The following DNAH5 variants were observed in gnomAD, a reference collection of about 807,000 sequenced individuals.
DNAH5 encodes the protein axonemal beta dynein heavy chain 5.
Under a neutral mutation model 518.2 loss-of-function variants are expected in DNAH5, and 372 were observed. That is an observed-to-expected ratio of 0.72 (90% CI 0.66 to 0.78). The LOEUF (loss-of-function observed/expected upper bound fraction) is 0.78, where lower values mean the gene tolerates loss of function less well. Among genes scored for constraint, DNAH5 ranks in the 30% least tolerant of loss-of-function variants. The pLI is 0.00. For synonymous variants in DNAH5, 2,039 were observed against 2,025.9 expected (o/e 1.01, Z -0.17); for missense variants, 5,523 against 5,687.0 (o/e 0.97, Z 0.93).
chr5:13,805,766 T>C (rs1047639798), intron 47 of DNAH5, among the ~76,000 whole-genome samples: 1 of 152,308 alleles, frequency 6.6e-6, no homozygotes, highest in Non-Finnish European at 1.5e-5. Context: ...AAGCATAGCA[T>C]TTCTCCGAGT....
At position 13,905,353 on chromosome 5, in the gene DNAH5, G is replaced by A. The variant is rs539526167; in HGVS notation, c.1645-3215C>T. Among the ~76,000 whole-genome samples the A allele has an allele frequency of 1.1e-3, 161 of 152,270 alleles. 1 individual carries two copies. Among genetic ancestry groups the A allele is most frequent in the Non-Finnish European group, 2.1e-3 (146 of 68,036 alleles). On this transcript the variant is annotated intron_variant, in intron 12 of 78. Transcript: ENST00000265104. Reference sequence around the variant, plus strand: ...AGGAGTGGGTTGTTATAAAAAACGAGCTCAGCCCTCTCTTGCTTTCTCAAG... The same window carrying A: ...AGGAGTGGGTTGTTATAAAAAACGAACTCAGCCCTCTCTTGCTTTCTCAAG...
intron 59 of DNAH5, among the ~76,000 whole-genome samples, chr5:13,764,450 C>A (rs774557914): frequency 1.9e-4 from 29 of 152,200 alleles, no homozygotes; most frequent in Non-Finnish European, 3.8e-4. Flanking sequence ...AGGCACTTAA[C>A]AAAAGAATTC....
Position 13,889,843 on chromosome 5 carries a change from T to C in DNAH5, c.2577+1133A>G, listed in dbSNP as rs576949694. Among the ~76,000 whole-genome samples the C allele has an allele frequency of 2.6e-5, 4 of 152,238 alleles. No homozygotes were observed. In the East Asian group the frequency reaches 7.8e-4, roughly 30 times the overall value. On this transcript the variant is annotated intron_variant, in intron 17 of 78. Transcript: ENST00000265104. ...CTTTGTTCCTTATGATCCGGCTGCATCTCTTAACTATGTCAGGGCAGTGCA... is the reference window on the plus strand; with the variant it reads ...CTTTGTTCCTTATGATCCGGCTGCACCTCTTAACTATGTCAGGGCAGTGCA...
rs748585824 is a variant in DNAH5, at chr5:13,731,238, G to A, written c.11762-1678C>T. Reference sequence around the variant, plus strand: ...GCCAATTTGAAGAAAATATTAGCTCGTAAAATGAAAACAGATTGTTTTAAC... The same window carrying A: ...GCCAATTTGAAGAAAATATTAGCTCATAAAATGAAAACAGATTGTTTTAAC... On this transcript the variant is annotated intron_variant, in intron 68 of 78. Transcript: ENST00000265104. Among the ~76,000 whole-genome samples the A allele has an allele frequency of 3.9e-4, 59 of 152,304 alleles. 1 individual carries two copies. Among genetic ancestry groups the A allele is most frequent in the East Asian group, 1.3e-3 (7 of 5,188 alleles).
intron 33 of DNAH5, 88 bp from the exon 34 acceptor site, chr5:13,841,218 T>C (rs995160913): frequency 4.7e-6 from 5 of 1,056,786 alleles, no homozygotes; most frequent in South Asian, 2.6e-5. Flanking sequence ...GCTGTGATTG[T>C]TACACAAGTG....
intron 67 of DNAH5, 81 bp downstream of exon 67, chr5:13,735,737 G>A (rs1277358088): frequency 9.3e-7 from 1 of 1,071,740 alleles, no homozygotes; most frequent in African/African-American, 1.6e-5. Flanking sequence ...ACTAACAAAG[G>A]AGAAGGAAGT....
At chr5:13,898,241 G>A in intron 15 of DNAH5, 1 of 242,546 alleles carries the variant, frequency 4.1e-6, no homozygotes, top group Non-Finnish European at 7.8e-6. Context: ...TACGGTTATT[G>A]TAAACCCTAC....
intron 62 of DNAH5, 64 bp downstream of exon 62, chr5:13,754,139 T>A (rs183846515): frequency 3.1e-6 from 5 of 1,595,608 alleles, no homozygotes. Flanking sequence ...TTGATTAAAG[T>A]ATAAGCTTTC....
chr5:13,980,555 C>G (rs985383323), intron 1 of DNAH5, among the ~76,000 whole-genome samples: 8 of 152,168 alleles, frequency 5.3e-5, no homozygotes, highest in African/African-American at 1.9e-4. Flanking sequence ...CTAACCCACC[C>G]TGAAACCCCA....
chr5:13,890,015 G>A (rs1772975691), intron 17 of DNAH5, among the ~76,000 whole-genome samples: 1 of 152,144 alleles, frequency 6.6e-6, no homozygotes, highest in Admixed American at 6.5e-5. Context: ...ATGCCTGAAG[G>A]GGCACTTCAT....
intron 11 of DNAH5, among the ~76,000 whole-genome samples, chr5:13,912,875 C>A (rs75843618): frequency 0.023 from 3,450 of 151,848 alleles, 83 homozygotes; most frequent in African/African-American, 0.062. Flanking sequence ...TAATTATTTT[C>A]TTGACAGATA....
intron 35 of DNAH5, among the ~76,000 whole-genome samples, chr5:13,835,201 C>T (rs1764205150): frequency 6.6e-6 from 1 of 151,778 alleles, no homozygotes; most frequent in Admixed American, 6.6e-5. Flanking sequence ...AGGAGAATCA[C>T]TTGAACCTGG....
chr5:13,994,424 A>C (rs1348853853), intron 1 of DNAH5, among the ~76,000 whole-genome samples: 1 of 152,228 alleles, frequency 6.6e-6, no homozygotes, highest in East Asian at 1.9e-4. Flanking sequence ...CATAGACCTT[A>C]AAAATTACTA....
intron 61 of DNAH5, 28 bp from the exon 62 acceptor site, chr5:13,754,366 C>G (rs746188020): frequency 6.2e-7 from 1 of 1,613,872 alleles, no homozygotes; most frequent in Non-Finnish European, 8.5e-7. Context: ...CACAAGAAAG[C>G]TTTTACTGAA....
At chr5:13,700,909 G>A (rs755506291) in intron 77 of DNAH5, 38 bp from the exon 78 acceptor site, 2 of 1,597,440 alleles carry the variant, frequency 1.3e-6, no homozygotes, top group Non-Finnish European at 1.7e-6. Context: ...AGCGGTTAGA[G>A]GTTTGTCTTA....
At chr5:13,732,419 T>A (rs1298199362) in intron 68 of DNAH5, among the ~76,000 whole-genome samples, 1 of 152,080 alleles carries the variant, frequency 6.6e-6, no homozygotes, top group Non-Finnish European at 1.5e-5. Flanking sequence ...CAGGCTGGAG[T>A]GCAGTGGCGC....
At chr5:13,810,429 T>C (rs1406280841) in intron 44 of DNAH5, 169 bp from the exon 45 acceptor site, 6 of 693,066 alleles carry the variant, frequency 8.7e-6, no homozygotes, top group East Asian at 2.7e-5. Flanking sequence ...TCTCTGAGAA[T>C]AGCAAGCTGC....
At position 13,882,677 on chromosome 5, in the gene DNAH5, A is replaced by C. The variant is rs138034827; in HGVS notation, c.3262+51T>G. On this transcript the variant is annotated intron_variant, in intron 21 of 78. Coordinates refer to ENST00000265104, the MANE Select transcript of DNAH5 (RefSeq NM_001369.3). ...GAGGGGTTAAAAAACATTTAAGCTC[A>C]ATGAATGTTGATTTACAATGCCTCT... 2,278 of 1,392,218 alleles carry C rather than the reference A, an allele frequency of 1.6e-3. 37 individuals carry two copies. The East Asian group carries it at 0.033, about 20-fold the overall frequency. The allele number at this position is 1,392,218 out of a possible 1,614,324, so 86.2% of individuals were successfully genotyped here. A position where few individuals can be genotyped will look rare whatever the true frequency, so the allele number is the denominator to read the frequency against.
intron 52 of DNAH5, among the ~76,000 whole-genome samples, chr5:13,781,701 G>A (rs1265333194): frequency 6.6e-6 from 1 of 151,958 alleles, no homozygotes; most frequent in East Asian, 1.9e-4. Flanking sequence ...TGATTCTGAG[G>A]CCTCTTCAGC....
Sources: allele counts gnomAD v4.1 joint callset (sites outside exome capture counted in the v4.1 genomes callset), GRCh38; gene constraint gnomAD v4.1.1; transcripts MANE v1.5; gene names NCBI Gene and HGNC (gene_info 2026-07-23, HGNC 2026-07-21).